Variants in TRMT2B observed in about 807,000 individuals in gnomAD.
The protein encoded by TRMT2B is tRNA methyltransferase 2B.
In TRMT2B, 34 loss-of-function variants were observed where a neutral mutation model predicts 39.7. The observed-to-expected ratio is 0.86, with a 90% CI of 0.65 to 1.14. The LOEUF (loss-of-function observed/expected upper bound fraction) is 1.14. Ranked by LOEUF, TRMT2B falls within the 50% of genes most tolerant of loss-of-function variation. The pLI is 0.00. For missense variants in TRMT2B, 318 were observed against 377.2 expected, an observed-to-expected ratio of 0.84 and a Z score of 1.30; for synonymous variants, 132 against 137.3, an observed-to-expected ratio of 0.96 and a Z score of 0.27.
chrX:101,011,787 A>G (rs769438308), intron 13 of TRMT2B, among the ~76,000 whole-genome samples: 2 of 111,176 alleles, frequency 1.8e-5, no homozygotes, highest in Non-Finnish European at 3.8e-5. Flanking sequence ...CCAGCTACTC[A>G]GGAGGCTGAG....
chrX:101,051,807 T>G lies in TRMT2B; in HGVS notation c.-507+10A>C, dbSNP rs1224618412. ...ACCTTCCTTCGTAACCAATAAATCC[T>G]CTTACAAACCTGAGGCGGCAAACTA... On this transcript the variant is annotated intron_variant, in intron 1 of 13. Coordinates refer to ENST00000372936, the MANE Select transcript of TRMT2B (RefSeq NM_024917.6). 1 of 542,991 alleles carries G rather than the reference T, an allele frequency of 1.8e-6. No homozygotes were observed. Among genetic ancestry groups the G allele is most frequent in the Non-Finnish European group, 2.2e-6 (1 of 446,737 alleles). 44.7% of individuals were successfully genotyped at this position (542,991 alleles called of 1,213,427 possible). A position where few individuals can be genotyped will look rare whatever the true frequency, so the allele number is the denominator to read the frequency against.
chrX:100,989,357 A>G, the TRMT2B span, among the ~76,000 whole-genome samples: 128 of 111,132 alleles, frequency 1.2e-3, no homozygotes, highest in African/African-American at 4.1e-3. Flanking sequence ...CACACCTGTA[A>G]TCCCAGCACT....
chrX:100,975,021 C>T, the TRMT2B span, among the ~76,000 whole-genome samples: 8 of 111,559 alleles, frequency 7.2e-5, no homozygotes, highest in East Asian at 2.8e-4. Context: ...CTCCATTTGT[C>T]CCCCCCAGTA....
the TRMT2B span, chrX:100,987,333 C>T: frequency 7.1e-5 from 81 of 1,134,390 alleles, no homozygotes; most frequent in Admixed American, 9.9e-5. Flanking sequence ...ACTGGTTCTG[C>T]GGGCCCCAGG....
At chrX:100,982,743 T>C in the TRMT2B span, among the ~76,000 whole-genome samples, 5 of 106,459 alleles carry the variant, frequency 4.7e-5, no homozygotes, top group East Asian at 3.0e-4. Flanking sequence ...ACAGCCTCGA[T>C]TGACCAGGCT....
the TRMT2B span, among the ~76,000 whole-genome samples, chrX:100,973,494 G>C: frequency 9.0e-6 from 1 of 110,670 alleles, no homozygotes; most frequent in East Asian, 2.9e-4. Flanking sequence ...CCTCCCGGCG[G>C]TCGGGCGGCG....
At chrX:101,035,191 G>A (rs1239318794) in intron 7 of TRMT2B, among the ~76,000 whole-genome samples, 1 of 110,812 alleles carries the variant, frequency 9.0e-6, no homozygotes, top group Non-Finnish European at 1.9e-5. Context: ...AAGAAAGAAA[G>A]AAAAGAAAGA....
At chrX:101,021,342 T>A in intron 9 of TRMT2B, 27 bp from the exon 10 acceptor site, 2 of 1,167,817 alleles carry the variant, frequency 1.7e-6, no homozygotes, top group Non-Finnish European at 2.3e-6. Flanking sequence ...GAAGAAAGCA[T>A]CTTGAGCTGT....
At chrX:101,048,721 T>C (rs2088856593) in intron 2 of TRMT2B, among the ~76,000 whole-genome samples, 1 of 112,578 alleles carries the variant, frequency 8.9e-6, no homozygotes, top group Non-Finnish European at 1.9e-5. Context: ...ATTACAGGCA[T>C]GAGCCACCAC....
rs201986109 is a variant in TRMT2B at position 101,019,283 on chromosome X, C to T, written c.1288+1G>A. ...ACATCAAAATAGCTGTTCATCCTTA[C>T]GCAGTCCGGCACGGGCTGGGTTCAC... On this transcript the variant is annotated splice_donor_variant, in intron 12 of 13. Transcript: ENST00000372936. LOFTEE classifies it high-confidence loss of function. 275 of 1,209,670 alleles carry T rather than the reference C, an allele frequency of 2.3e-4. 1 individual carries two copies. Among genetic ancestry groups the T allele is most frequent in the African/African-American group, 2.1e-3 (120 of 57,232 alleles).
At chrX:101,020,144 T>C (rs772766768) in intron 11 of TRMT2B, among the ~76,000 whole-genome samples, 1 of 111,734 alleles carries the variant, frequency 8.9e-6, no homozygotes, top group East Asian at 2.8e-4. Context: ...TTGCTGAAAA[T>C]ATAGGTTTGA....
intron 2 of TRMT2B, among the ~76,000 whole-genome samples, 155 bp from the exon 3 acceptor site, chrX:101,042,467 C>T (rs1293923832): frequency 8.9e-6 from 1 of 112,657 alleles, no homozygotes; most frequent in Non-Finnish European, 1.9e-5. Flanking sequence ...AACTGAATTA[C>T]TGTATGCAAG....
chrX:101,001,537 G>A, the TRMT2B span, among the ~76,000 whole-genome samples: 1 of 110,221 alleles, frequency 9.1e-6, no homozygotes, highest in East Asian at 2.9e-4. Flanking sequence ...CACCCAGCCC[G>A]GATCTTGGTT....
At chrX:101,008,938 T>G (rs1207821999), downstream of TRMT2B, among the ~76,000 whole-genome samples, 5 of 111,477 alleles carry the variant, frequency 4.5e-5, no homozygotes, top group African/African-American at 6.5e-5. Context: ...CCTTCCCCTC[T>G]TCTGTCTTCT....
At chrX:101,021,427 G>A (rs760585650) in intron 9 of TRMT2B, 112 bp from the exon 10 acceptor site, 25 of 610,551 alleles carry the variant, frequency 4.1e-5, no homozygotes, top group Admixed American at 6.8e-5. Context: ...TCAGGAGTTC[G>A]AGACCAGCCT....
chrX:100,992,906 C>A, the TRMT2B span, among the ~76,000 whole-genome samples: 1 of 111,610 alleles, frequency 9.0e-6, no homozygotes, highest in African/African-American at 3.3e-5. Flanking sequence ...TACCATCTCA[C>A]CAAGCAGTAT....
intron 13 of TRMT2B, among the ~76,000 whole-genome samples, chrX:101,016,569 T>G (rs1163308711): frequency 9.2e-6 from 1 of 108,952 alleles, no homozygotes; most frequent in Non-Finnish European, 1.9e-5. Flanking sequence ...CTTGACCTCC[T>G]GGATTCAAGC....
At chrX:101,044,669 G>A (rs1019084776) in intron 2 of TRMT2B, among the ~76,000 whole-genome samples, 4 of 110,221 alleles carry the variant, frequency 3.6e-5, no homozygotes, top group South Asian at 3.8e-4. Flanking sequence ...CAGAAACCCC[G>A]TCTCTACGAA....
rs2087861763 is a variant in TRMT2B at position 101,036,629 on chromosome X, C to CT, written c.538+344dup. Among the ~76,000 whole-genome samples the CT allele has an allele frequency of 2.7e-5, 3 of 110,689 alleles. No homozygotes were observed. In the South Asian group the frequency reaches 1.2e-3, roughly 43 times the overall value. On this transcript the variant is annotated intron_variant, in intron 6 of 13. Transcript: ENST00000372936. ...GGGGATGTGAAATAGGAAGACAACTCTAACAAGGAGATTGCTCCCACTGCA... is the reference window on the plus strand; with the variant it reads ...GGGGATGTGAAATAGGAAGACAACTCTTAACAAGGAGATTGCTCCCACTGCA...
Sources: gnomAD v4.1 joint callset for allele counts (sites outside exome capture counted in the v4.1 genomes callset) on GRCh38, gnomAD v4.1.1 for gene constraint, MANE v1.5 for transcripts, NCBI Gene and HGNC (gene_info 2026-07-23, HGNC 2026-07-21) for gene names.